Variants in FAT4 observed in about 807,000 individuals in gnomAD.
FAT4 encodes protocadherin Fat 4.
FAT4 carries 84 observed loss-of-function variants against 303.9 expected under a neutral mutation model. The ratio of observed to expected loss-of-function variants is 0.28; its 90% confidence interval spans 0.23 to 0.33. The LOEUF is 0.33. FAT4 is among the 10% of genes least tolerant of loss of function. The pLI is 1.00. For missense variants in FAT4, 6,005 were observed against 6,146.8 expected, an observed-to-expected ratio of 0.98 and a Z score of 0.77; for synonymous variants, 2,307 against 2,298.8, an observed-to-expected ratio of 1.00 and a Z score of -0.10.
intron 2 of FAT4, among the ~76,000 whole-genome samples, chr4:125,383,216 T>G (rs949783273): frequency 6.6e-6 from 1 of 152,220 alleles, no homozygotes; most frequent in African/African-American, 2.4e-5. Context: ...ACTTATCTAC[T>G]TCACTAAGCT....
chr4:125,363,159 TG>T (rs2125986314), intron 2 of FAT4, among the ~76,000 whole-genome samples: 1 of 152,248 alleles, frequency 6.6e-6, no homozygotes, highest in African/African-American at 2.4e-5. Flanking sequence ...TACATATATG[TG>T]GGTGTCCTTA....
chr4:125,321,660 T>A, intron 2 of FAT4, 74 bp downstream of exon 2: 12 of 1,365,168 alleles, frequency 8.8e-6, no homozygotes, highest in Non-Finnish European at 1.2e-5. Context: ...ATTTACTCTC[T>A]ATAATTGTTT....
intron 16 of FAT4, among the ~76,000 whole-genome samples, chr4:125,482,398 T>C (rs1389396571): frequency 6.6e-6 from 1 of 152,158 alleles, no homozygotes; most frequent in Non-Finnish European, 1.5e-5. Flanking sequence ...AATAAGATAC[T>C]AGACTTATAT....
Position 125,449,689 on chromosome 4 carries a change from A to G in FAT4, c.8679A>G (p.Val2893=), listed in dbSNP as rs1725974559. The part of the protein sequence containing the change: ...CPELTEIGSK[V]TQVFATDPDE... The stretch of plus-strand genomic sequence containing the variant: ...AACTTACTGAGATTGGCTCCAAAGT[A>G]ACTCAGGTATTTGCAACAGATCCTG... Residue 2893 remains valine (V), a synonymous_variant, in exon 10 of 18, where the codon GTA becomes GTG. Coordinates refer to ENST00000394329, the MANE Select transcript of FAT4 (RefSeq NM_001291303.3). 1.2e-6 allele frequency: 2 copies of G among 1,613,864 alleles called. No individual in the cohort carries two copies. Among genetic ancestry groups the G allele is most frequent in the Non-Finnish European group, 1.7e-6 (2 of 1,179,936 alleles).
chr4:125,328,765 T>C (rs1466008474), intron 2 of FAT4, among the ~76,000 whole-genome samples: 15 of 152,192 alleles, frequency 9.9e-5, no homozygotes, highest in South Asian at 8.3e-4. Flanking sequence ...ATGAGAATAC[T>C]GAGGCTCATG....
At chr4:125,454,310 G>A (rs531815441) in intron 10 of FAT4, among the ~76,000 whole-genome samples, 1 of 152,310 alleles carries the variant, frequency 6.6e-6, no homozygotes, top group East Asian at 1.9e-4. Flanking sequence ...TGTTGAAACA[G>A]AACATGCAGT....
chr4:125,352,030 T>C (rs2125978756), intron 2 of FAT4, among the ~76,000 whole-genome samples: 1 of 151,820 alleles, frequency 6.6e-6, no homozygotes, highest in South Asian at 2.1e-4. Context: ...TATTATGCCC[T>C]TTGATTTATT....
intron 8 of FAT4, among the ~76,000 whole-genome samples, chr4:125,440,608 TGTGAGAGAGAGAGAGA>T (rs1725623524): frequency 3.5e-5 from 2 of 57,324 alleles, no homozygotes; most frequent in Non-Finnish European, 6.5e-5. Context: ...TGTGTGTGTG[TGTGAGAGAGAGAGAGA>T]GAGAGAGAGA....
chr4:125,316,962 G>C lies in FAT4; in HGVS notation c.551G>C (p.Arg184Pro). The C allele has an allele frequency of 6.2e-7, 1 of 1,613,902 alleles. No individual in the cohort carries two copies. The highest frequency in any genetic ancestry group is 8.5e-7 in the Non-Finnish European group (1 of 1,180,038). Residue 184 changes from arginine (R) to proline (P), a missense_variant, in exon 2 of 18, where the codon CGC becomes CCC. By Grantham distance (103) the Arg-to-Pro change is moderately radical (BLOSUM62 -2). Transcript: ENST00000394329. This position sits in a 1 kb window ranked among gnomAD's most constrained non-coding sequence, Gnocchi z 5.7. ...ATCATCCGCGGCAATGAGGCGGGGC[G>C]CTTCCGTCTGGACATCACCCTGAAC... ...YRIIRGNEAG[R>P]FRLDITLNPS...
At chr4:125,351,585 A>G (rs575818056) in intron 2 of FAT4, among the ~76,000 whole-genome samples, 1 of 151,870 alleles carries the variant, frequency 6.6e-6, no homozygotes, top group South Asian at 2.1e-4. Flanking sequence ...TTGTATGTGC[A>G]AGAGTTCTTG....
In FAT4 at chr4:125,317,820, A is replaced by T. The variant is rs752505233; in HGVS notation, c.1409A>T (p.Asp470Val). 6.2e-7 allele frequency: 1 copy of T among 1,614,126 alleles called. No individual in the cohort carries two copies. The highest frequency in any genetic ancestry group is 1.7e-5 in the Admixed American group (1 of 60,030). The change falls in exon 2 of 18, where the codon GAC (aspartate) becomes GTC (valine). Residue 470 changes from aspartate (D) to valine (V), a missense_variant. Physicochemically the swap from Asp to Val is radical, Grantham distance 152. Coordinates refer to ENST00000394329, the MANE Select transcript of FAT4 (RefSeq NM_001291303.3). This position sits in a 1 kb window ranked among gnomAD's most constrained non-coding sequence, Gnocchi z 7.0. ...SLVIFVNDIN[D>V]HPPVFSQQVY... Reference sequence around the variant, plus strand: ...GTGATTTTTGTTAATGACATCAATGACCATCCTCCTGTCTTTTCACAGCAA... The same window carrying T: ...GTGATTTTTGTTAATGACATCAATGTCCATCCTCCTGTCTTTTCACAGCAA...
At chr4:125,485,742 C>A (rs1024384340) in intron 16 of FAT4, among the ~76,000 whole-genome samples, 17 of 152,090 alleles carry the variant, frequency 1.1e-4, no homozygotes, top group Admixed American at 1.0e-3. Context: ...CATTTATTAT[C>A]AAATTGCATG....
chr4:125,451,453 A>G lies in FAT4; in HGVS notation c.10443A>G (p.Ser3481=), dbSNP rs1379802480. The G allele has an allele frequency of 8.1e-6, 13 of 1,613,964 alleles. No individual in the cohort carries two copies. Among genetic ancestry groups the G allele is most frequent in the Non-Finnish European group, 1.1e-5 (13 of 1,180,010 alleles). Reference sequence around the variant, plus strand: ...AAACCCTTCCCATCTATAATCTCTCAGTTTTGGCTGTTGATTCAGGGACCC... The same window carrying G: ...AAACCCTTCCCATCTATAATCTCTCGGTTTTGGCTGTTGATTCAGGGACCC... The part of the protein sequence containing the change: ...DRETLPIYNL[S]VLAVDSGTPS... Residue 3481 remains serine, a synonymous_variant, in exon 10 of 18, where the codon TCA becomes TCG. Transcript: ENST00000394329.
chr4:125,398,691 A>C (rs574565965), intron 2 of FAT4, 93 bp from the exon 3 acceptor site: 2 of 1,236,150 alleles, frequency 1.6e-6, no homozygotes, highest in East Asian at 4.9e-5. Flanking sequence ...TCATTTTGGC[A>C]GTCTTGATTG....
At chr4:125,390,632 AT>A (rs2126006276) in intron 2 of FAT4, among the ~76,000 whole-genome samples, 1 of 152,314 alleles carries the variant, frequency 6.6e-6, no homozygotes, top group Admixed American at 6.5e-5. Context: ...CTGAGGCATC[AT>A]TTAGCAAAAT....
chr4:125,398,302 T>C (rs1181574162), intron 2 of FAT4, among the ~76,000 whole-genome samples: 1 of 152,154 alleles, frequency 6.6e-6, no homozygotes, highest in African/African-American at 2.4e-5. Context: ...GCGTGGACTT[T>C]AAAGGGGGAA....
Position 125,490,636 on chromosome 4 carries a change from T to C in FAT4, c.13820T>C (p.Ile4607Thr). ...GATATTCCTCACAACTCAGAAACCATCCCCAGCGCCCCTTTGGCATCTCCA... is the reference window on the plus strand; with the variant it reads ...GATATTCCTCACAACTCAGAAACCACCCCCAGCGCCCCTTTGGCATCTCCA... ...ETDIPHNSET[I>T]PSAPLASPEQ... The change falls in exon 18 of 18, where the codon ATC (isoleucine) becomes ACC (threonine). Residue 4607 changes from isoleucine (I) to threonine (T), a missense_variant. Transcript: ENST00000394329. The C allele has an allele frequency of 6.2e-7, 1 of 1,613,982 alleles. No individual in the cohort carries two copies. The highest frequency in any genetic ancestry group is 8.5e-7 in the Non-Finnish European group (1 of 1,180,014).
At chr4:125,363,384 T>G (rs2125986495) in intron 2 of FAT4, among the ~76,000 whole-genome samples, 1 of 152,042 alleles carries the variant, frequency 6.6e-6, no homozygotes, top group South Asian at 2.1e-4. Context: ...CGTTTTAGAG[T>G]GATGTACTGG....
intron 5 of FAT4, among the ~76,000 whole-genome samples, chr4:125,411,724 C>T (rs907721287): frequency 3.4e-5 from 5 of 147,042 alleles, no homozygotes; most frequent in African/African-American, 1.2e-4. Flanking sequence ...ATATATTTTA[C>T]TATTTATATA....
Sources: gnomAD v4.1 joint callset for allele counts (sites outside exome capture counted in the v4.1 genomes callset) on GRCh38, gnomAD v4.1.1 for gene constraint, Gnocchi (gnomAD v3.1) non-coding constraint, MANE v1.5 for transcripts, NCBI Gene and HGNC (gene_info 2026-07-23, HGNC 2026-07-21) for gene names.